Variants in FAM180B observed in about 807,000 individuals in gnomAD.
FAM180B encodes the protein family with sequence similarity 180 member B.
A neutral mutation model predicts 13.6 loss-of-function variants in FAM180B; 14 were observed. The ratio of observed to expected loss-of-function variants is 1.03; its 90% CI spans 0.68 to 1.60. FAM180B has a LOEUF of 1.60. Among genes scored for constraint, FAM180B ranks in the 40% most tolerant of loss-of-function variants. FAM180B has a pLI of 0.00. For synonymous variants in FAM180B, 109 were observed against 97.0 expected, an observed-to-expected ratio of 1.12 and a Z score of -0.72; for missense variants, 212 against 230.4, an observed-to-expected ratio of 0.92 and a Z score of 0.52.
In FAM180B at chr11:47,588,383, C is replaced by A; in HGVS notation, c.501C>A (p.Asp167Glu). Residue 167 changes from aspartate to glutamate, a missense_variant, in exon 3 of 3, where the codon GAC (aspartate) becomes GAA (glutamate). Coordinates refer to ENST00000538490, the MANE Select transcript of FAM180B (RefSeq NM_001164379.3). ...TGTGCAAAGGTTTCTGCCCCCAGGA[C>A]CGGCCCCCTTCCCTGGGGTCCTGGG... ...WDLCKGFCPQDRPPSLGSWAS... is the reference protein window; with the variant it reads ...WDLCKGFCPQERPPSLGSWAS... The A allele has an allele frequency of 6.6e-7, 1 of 1,524,416 alleles. No individual in the cohort carries two copies. The highest frequency in any genetic ancestry group is 8.8e-7 in the Non-Finnish European group (1 of 1,137,134). The allele number at this position is 1,524,416 out of a possible 1,614,324, so 94.4% of individuals were successfully genotyped here. A position where few individuals can be genotyped will look rare whatever the true frequency, so the allele number is the denominator to read the frequency against.
At chr11:47,587,642 A>G in intron 1 of FAM180B, 109 bp from the exon 2 acceptor site, 1 of 686,436 alleles carries the variant, frequency 1.5e-6, no homozygotes, top group Non-Finnish European at 2.4e-6. Flanking sequence ...CCTTTTGTAG[A>G]ATGATGAAGC....
chr11:47,588,422 C>A lies in FAM180B; in HGVS notation c.540C>A (p.Asp180Glu). Residue 180 changes from aspartate to glutamate, a missense_variant, in exon 3 of 3, where the codon GAC (aspartate) becomes GAA (glutamate). Coordinates refer to ENST00000538490, the MANE Select transcript of FAM180B (RefSeq NM_001164379.3). ...TGGGGTCCTGGGCCTCCATCCTTGA[C>A]CCCTTCCCCTGACCCTCCTCTTTTG... ...PSLGSWASIL[D>E]PFP The A allele has an allele frequency of 1.3e-6, 2 of 1,494,060 alleles. No individual in the cohort carries two copies. Among genetic ancestry groups the A allele is most frequent in the South Asian group, 1.3e-5 (1 of 79,472 alleles). 92.6% of individuals were successfully genotyped at this position (1,494,060 alleles called of 1,614,324 possible). A position where few individuals can be genotyped will look rare whatever the true frequency, so the allele number is the denominator to read the frequency against.
chr11:47,588,150 G>A lies in FAM180B; in HGVS notation c.268G>A (p.Val90Met), dbSNP rs1324866804. 8.5e-6 allele frequency: 13 copies of A among 1,537,178 alleles called. No homozygotes were observed. Among genetic ancestry groups the A allele is most frequent in the African/African-American group, 1.4e-5 (1 of 73,130 alleles). Residue 90 changes from valine (V) to methionine (M), a missense_variant, in exon 3 of 3, where the codon GTG becomes ATG. By Grantham distance (21) the Val-to-Met change is conservative (BLOSUM62 1). Coordinates refer to ENST00000538490, the MANE Select transcript of FAM180B (RefSeq NM_001164379.3). Reference sequence around the variant, plus strand: ...ACTCAGACTCCTCCTGCAGCACCACGTGCCCAGTGACTTGGAGGGCACTGA... The same window carrying A: ...ACTCAGACTCCTCCTGCAGCACCACATGCCCAGTGACTTGGAGGGCACTGA... The part of the protein sequence containing the change: ...RRLRLLLQHH[V>M]PSDLEGTEQW...
At position 47,586,693 on chromosome 11, in the gene FAM180B, A is replaced by G. The variant is rs1472953283; in HGVS notation, c.-76A>G. ...GGAGCAGCCCGCAGTGGAAAGTTGGAGCTGAGGTGTGTGGCAGGCAGATGA... is the reference window on the plus strand; with the variant it reads ...GGAGCAGCCCGCAGTGGAAAGTTGGGGCTGAGGTGTGTGGCAGGCAGATGA... On this transcript the variant is annotated 5_prime_UTR_variant, in exon 1 of 3. Coordinates refer to ENST00000538490, the MANE Select transcript of FAM180B (RefSeq NM_001164379.3). 1 of 1,066,128 alleles carries G rather than the reference A, an allele frequency of 9.4e-7. No homozygotes were observed. Among genetic ancestry groups the G allele is most frequent in the African/African-American group, 1.6e-5 (1 of 64,108 alleles). The allele number at this position is 1,066,128 out of a possible 1,614,324, so 66.0% of individuals were successfully genotyped here.
intron 1 of FAM180B, 45 bp from the exon 2 acceptor site, chr11:47,587,706 C>A: frequency 1.5e-6 from 2 of 1,373,550 alleles, no homozygotes; most frequent in South Asian, 2.9e-5. Flanking sequence ...CTGGGGTGTT[C>A]ATGGTGTAGC....
chr11:47,587,975 C>G lies in FAM180B; in HGVS notation c.157-64C>G. On this transcript the variant is annotated intron_variant, in intron 2 of 2. Transcript: ENST00000538490. ...GCCTGCTTCTGCCCCTTCCCCCAGCCCACTCTTGCTCCCTGCCCTGCTCCC... is the reference window on the plus strand; with the variant it reads ...GCCTGCTTCTGCCCCTTCCCCCAGCGCACTCTTGCTCCCTGCCCTGCTCCC... The G allele has an allele frequency of 2.0e-6, 3 of 1,464,992 alleles. No individual in the cohort carries two copies. In the South Asian group the frequency reaches 4.0e-5, roughly 20 times the overall value. 90.7% of individuals were successfully genotyped at this position (1,464,992 alleles called of 1,614,324 possible).
upstream of FAM180B, chr11:47,586,652 C>A: frequency 1.3e-6 from 1 of 763,870 alleles, no homozygotes; most frequent in Non-Finnish European, 2.3e-6. Flanking sequence ...AAGAATGACA[C>A]GCATTACAGA....
Position 47,586,826 on chromosome 11 carries a change from G to A in FAM180B, c.58G>A (p.Gly20Ser). Residue 20 changes from glycine (G) to serine (S), a missense_variant, in exon 1 of 3, where the codon GGT becomes AGT. Physicochemically the swap from Gly to Ser is moderately conservative, Grantham distance 56 (BLOSUM62 0). Transcript: ENST00000538490. ...GGTGGTAGCCATTTGTCTCCTCTCT[G>A]GTGTGACTACAACCCAGCCCCATGC... The part of the protein sequence containing the change: ...CLVVAICLLS[G>S]VTTTQPHAGQ... 1.3e-6 allele frequency: 2 copies of A among 1,537,182 alleles called. No homozygotes were observed. Among genetic ancestry groups the A allele is most frequent in the East Asian group, 4.9e-5 (2 of 40,912 alleles).
chr11:47,587,779 A>T lies in FAM180B; in HGVS notation c.114A>T (p.Gly38=). The T allele has an allele frequency of 6.5e-7, 1 of 1,534,656 alleles. No individual in the cohort carries two copies. The highest frequency in any genetic ancestry group is 1.2e-5 in the South Asian group (1 of 83,636). Residue 38 remains glycine, a synonymous_variant, in exon 2 of 3, where the codon GGA becomes GGT. Coordinates refer to ENST00000538490, the MANE Select transcript of FAM180B (RefSeq NM_001164379.3). ...AGCCCATGGACAGCACCAGCGTGGGAGGTGGCCTGCAGGAGCCAGAGGCCC... is the reference window on the plus strand; with the variant it reads ...AGCCCATGGACAGCACCAGCGTGGGTGGTGGCCTGCAGGAGCCAGAGGCCC... ...AGQPMDSTSV[G]GGLQEPEAPE...
Position 47,588,588 on chromosome 11 carries a change from C to T in FAM180B, c.*154C>T, listed in dbSNP as rs957466586. 3 of 569,908 alleles carry T rather than the reference C, an allele frequency of 5.3e-6. No homozygotes were observed. Among genetic ancestry groups the T allele is most frequent in the African/African-American group, 3.7e-5 (2 of 53,520 alleles). The allele number at this position is 569,908 out of a possible 1,614,324, so 35.3% of individuals were successfully genotyped here. ...GCTTGGCTTGCACCCTGGACACCCC[C>T]TCTCTGCTTACCCCGACCAGATCTT... On this transcript the variant is annotated 3_prime_UTR_variant, in exon 3 of 3. Coordinates refer to ENST00000538490, the MANE Select transcript of FAM180B (RefSeq NM_001164379.3).
rs1262706844 is a variant in FAM180B, at chr11:47,588,706, C to CAGTGTGTGTGAG, written c.*282_*283insAGAGTGTGTGTG. On this transcript the variant is annotated 3_prime_UTR_variant, in exon 3 of 3. Transcript: ENST00000538490. ...CAGAGCTAAGGGCACGACTTGCAGGCAGTGTGTGTGTGAGTGTGTGTGTGT... is the reference window on the plus strand; with the variant it reads ...CAGAGCTAAGGGCACGACTTGCAGGCAGTGTGTGTGAGAGTGTGTGTGTGAGTGTGTGTGTGT... 2.2e-4 allele frequency: 80 copies of CAGTGTGTGTGAG among 361,024 alleles called. No individual in the cohort carries two copies. The highest frequency in any genetic ancestry group is 3.2e-4 in the Non-Finnish European group (66 of 203,620). The allele number at this position is 361,024 out of a possible 1,614,324, so 22.4% of individuals were successfully genotyped here.
At chr11:47,587,645 G>A in intron 1 of FAM180B, 106 bp from the exon 2 acceptor site, 2 of 709,808 alleles carry the variant, frequency 2.8e-6, no homozygotes, top group Non-Finnish European at 4.5e-6. Context: ...TTTGTAGAAT[G>A]ATGAAGCACT....
In FAM180B at chr11:47,588,729, T is replaced by TGAGA. The variant is rs1565946684; in HGVS notation, c.*296_*297insAGAG. ...GGCAGTGTGTGTGTGAGTGTGTGTG[T>TGAGA]GTGTGTGTGTGTGTGTGTGTGTGTG... On this transcript the variant is annotated 3_prime_UTR_variant, in exon 3 of 3. Transcript: ENST00000538490. 7.6e-6 allele frequency: 2 copies of TGAGA among 263,716 alleles called. No individual in the cohort carries two copies. Among genetic ancestry groups the TGAGA allele is most frequent in the South Asian group, 8.0e-5 (1 of 12,510 alleles). The allele number at this position is 263,716 out of a possible 1,614,324, so 16.3% of individuals were successfully genotyped here.
In FAM180B at chr11:47,588,214, C is replaced by T. The variant is rs780579254; in HGVS notation, c.332C>T (p.Pro111Leu). 5.2e-6 allele frequency: 8 copies of T among 1,536,940 alleles called. No individual in the cohort carries two copies. In the South Asian group the frequency reaches 7.1e-5, roughly 14 times the overall value. The change falls in exon 3 of 3, where the codon CCT (proline) becomes CTT (leucine). Residue 111 changes from proline (P) to leucine (L), a missense_variant. Physicochemically the swap from Pro to Leu is moderately conservative, Grantham distance 98. Transcript: ENST00000538490. ...LQQLQDLRKG[P>L]PLSTWDFEHL... ...CAGCTCCAGGACCTGCGGAAGGGGC[C>T]TCCTCTTAGCACTTGGGACTTTGAA...
chr11:47,588,460 C>T lies in FAM180B; in HGVS notation c.*26C>T. ...CCCTCCTCTTTTGTTCTTTCACCTG[C>T]CATTACCCCCTCCCATCTCCTCCTC... On this transcript the variant is annotated 3_prime_UTR_variant, in exon 3 of 3. Transcript: ENST00000538490. The T allele has an allele frequency of 3.7e-6, 5 of 1,362,856 alleles. No individual in the cohort carries two copies. The highest frequency in any genetic ancestry group is 1.4e-5 in the African/African-American group (1 of 69,234). 84.4% of individuals were successfully genotyped at this position (1,362,856 alleles called of 1,614,324 possible).
Position 47,588,441 on chromosome 11 carries a change from T to G in FAM180B, c.*7T>G. 1 of 1,462,344 alleles carries G rather than the reference T, an allele frequency of 6.8e-7. No homozygotes were observed. Among genetic ancestry groups the G allele is most frequent in the Non-Finnish European group, 9.1e-7 (1 of 1,103,180 alleles). The allele number at this position is 1,462,344 out of a possible 1,614,324, so 90.6% of individuals were successfully genotyped here. A position where few individuals can be genotyped will look rare whatever the true frequency, so the allele number is the denominator to read the frequency against. On this transcript the variant is annotated 3_prime_UTR_variant, in exon 3 of 3. Transcript: ENST00000538490. ...CCTTGACCCCTTCCCCTGACCCTCC[T>G]CTTTTGTTCTTTCACCTGCCATTAC... is the stretch of plus-strand genomic sequence containing the variant.
chr11:47,587,912 G>A (rs903152695), intron 2 of FAM180B, 91 bp downstream of exon 2: 2 of 1,415,854 alleles, frequency 1.4e-6, no homozygotes, highest in Non-Finnish European at 1.9e-6. Flanking sequence ...GGGTGGACCT[G>A]CTAGGGTTGG....
At position 47,588,266 on chromosome 11, in the gene FAM180B, C is replaced by T. The variant is rs376058507; in HGVS notation, c.384C>T (p.Cys128=). ...ATCTGCTCCTCACAGGCCTGTCCTGCGTCTACCGGCTCCACGCAGCTAGTG... is the reference window on the plus strand; with the variant it reads ...ATCTGCTCCTCACAGGCCTGTCCTGTGTCTACCGGCTCCACGCAGCTAGTG... ...FEHLLLTGLS[C]VYRLHAASEA... is the part of the protein sequence containing the mutation. The change falls in exon 3 of 3, where the codon TGC becomes TGT. Residue 128 remains cysteine (C), a synonymous_variant. Coordinates refer to ENST00000538490, the MANE Select transcript of FAM180B (RefSeq NM_001164379.3). The T allele has an allele frequency of 3.5e-4, 540 of 1,537,064 alleles. 1 individual carries two copies. Among genetic ancestry groups the T allele is most frequent in the Non-Finnish European group, 4.5e-4 (519 of 1,146,880 alleles).
intron 1 of FAM180B, among the ~76,000 whole-genome samples, 173 bp from the exon 2 acceptor site, chr11:47,587,578 G>C (rs1207387965): frequency 1.3e-5 from 2 of 152,210 alleles, no homozygotes; most frequent in African/African-American, 4.8e-5. Flanking sequence ...ATGTCAATGT[G>C]CATGTGTGTG....
Sources: allele counts gnomAD v4.1 joint callset (sites outside exome capture counted in the v4.1 genomes callset), GRCh38; gene constraint gnomAD v4.1.1; transcripts MANE v1.5; gene names NCBI Gene and HGNC (gene_info 2026-07-23, HGNC 2026-07-21).